The following BOLA3 variants were observed in gnomAD, a reference collection of about 807,000 sequenced individuals.
BOLA3 encodes bolA family member 3.
A neutral mutation model predicts 14.5 loss-of-function variants in BOLA3; 8 were observed. The observed-to-expected ratio is 0.55, with a 90% CI of 0.32 to 0.99. BOLA3 has a LOEUF of 0.99. Ranked by LOEUF, BOLA3 falls within the 50% of genes least tolerant of loss-of-function variation. The probability of loss-of-function intolerance (pLI) is 0.04; values close to 1 mark genes in which losing one functional copy is unlikely to be tolerated. For missense variants in BOLA3, 115 were observed against 138.2 expected (o/e 0.83, Z 0.84); for synonymous variants, 42 against 45.7 (o/e 0.92, Z 0.33).
At chr2:74,141,581 G>A (rs1455001084) in intron 3 of BOLA3, among the ~76,000 whole-genome samples, 7 of 152,106 alleles carry the variant, frequency 4.6e-5, no homozygotes, top group Non-Finnish European at 1.0e-4. Context: ...TGCGTGAACA[G>A]CAGTCTAGGA....
intron 1 of BOLA3, chr2:74,145,671 C>T: frequency 3.1e-6 from 1 of 319,718 alleles, no homozygotes; most frequent in Non-Finnish European, 6.1e-6. Context: ...AGGTTGAATT[C>T]GGTAAGATAC....
intron 3 of BOLA3, among the ~76,000 whole-genome samples, chr2:74,140,727 C>T (rs550937817): frequency 2.6e-5 from 4 of 152,288 alleles, no homozygotes; most frequent in Admixed American, 6.5e-5. Flanking sequence ...ATGGTGATGG[C>T]GGTCACATTT....
chr2:74,141,807 G>C (rs1438996059), intron 3 of BOLA3, among the ~76,000 whole-genome samples: 2 of 152,170 alleles, frequency 1.3e-5, no homozygotes, highest in African/African-American at 2.4e-5. Flanking sequence ...TGAGCCTTAG[G>C]CTGGTTGAAC....
Position 74,135,674 on chromosome 2 carries a change from G to A in BOLA3, c.259-16C>T, listed in dbSNP as rs776860491. On this transcript the variant is annotated splice_polypyrimidine_tract_variant and intron_variant, in intron 3 of 3. Transcript: ENST00000327428. ...CTTTTAGTGCCTAAGTAAGAAAACA[G>A]CATCATCAGTTTTTGTGTATTTGAC... 3.2e-6 allele frequency: 5 copies of A among 1,561,282 alleles called. No individual in the cohort carries two copies. In the African/African-American group the frequency reaches 6.8e-5, roughly 21 times the overall value.
intron 3 of BOLA3, among the ~76,000 whole-genome samples, chr2:74,138,290 T>C (rs1166502154): frequency 3.9e-5 from 6 of 152,232 alleles, no homozygotes. Context: ...TAGTAGGTGC[T>C]GGGGACACAG....
chr2:74,140,228 G>C (rs966446873), intron 3 of BOLA3, among the ~76,000 whole-genome samples: 4 of 152,180 alleles, frequency 2.6e-5, no homozygotes, highest in African/African-American at 9.7e-5. Flanking sequence ...AGGTTGCAGT[G>C]AGCCGAGATA....
At chr2:74,147,716 C>T in intron 1 of BOLA3, 105 bp downstream of exon 1, 3 of 1,101,964 alleles carry the variant, frequency 2.7e-6, no homozygotes, top group South Asian at 2.7e-5. Flanking sequence ...CAGTGCCGCG[C>T]GCGCCCTCCG....
intron 1 of BOLA3, 92 bp from the exon 2 acceptor site, chr2:74,145,395 G>C: frequency 1.2e-6 from 1 of 820,112 alleles, no homozygotes; most frequent in South Asian, 1.3e-5. Context: ...CATTCCCCCT[G>C]CAAGGCAGGC....
At chr2:74,145,335 G>T (rs989781157) in intron 1 of BOLA3, 32 bp from the exon 2 acceptor site, 5 of 1,290,286 alleles carry the variant, frequency 3.9e-6, no homozygotes, top group Non-Finnish European at 5.7e-6. Context: ...GGTCAGGGCA[G>T]AGGAAGATGC....
chr2:74,136,224 A>G (rs140606089), intron 3 of BOLA3, among the ~76,000 whole-genome samples: 1 of 152,280 alleles, frequency 6.6e-6, no homozygotes, highest in African/African-American at 2.4e-5. Flanking sequence ...TGCCGGAATT[A>G]CAAGCGTGAG....
chr2:74,144,151 G>A (rs1186712030), intron 2 of BOLA3, among the ~76,000 whole-genome samples: 8 of 150,292 alleles, frequency 5.3e-5, no homozygotes, highest in African/African-American at 9.9e-5. Flanking sequence ...GACTACAGGC[G>A]TGTGCCACCA....
rs561184018 is a variant in BOLA3, at chr2:74,135,504, A to G, written c.*89T>C. On this transcript the variant is annotated 3_prime_UTR_variant, in exon 4 of 4. Coordinates refer to ENST00000327428, the MANE Select transcript of BOLA3 (RefSeq NM_212552.3). Reference sequence around the variant, plus strand: ...GGAAATGTATATGAGCAAAATATATAAATTTTTTGGTGACTGCTTAGGGAA... The same window carrying G: ...GGAAATGTATATGAGCAAAATATATGAATTTTTTGGTGACTGCTTAGGGAA... 2 of 1,566,316 alleles carry G rather than the reference A, an allele frequency of 1.3e-6. No individual in the cohort carries two copies. The highest frequency in any genetic ancestry group is 1.1e-5 in the South Asian group (1 of 89,954).
At chr2:74,140,526 G>A (rs1027277715) in intron 3 of BOLA3, among the ~76,000 whole-genome samples, 25 of 152,246 alleles carry the variant, frequency 1.6e-4, no homozygotes, top group African/African-American at 5.5e-4. Flanking sequence ...GCCTGCTTTC[G>A]AGGGGGAATG....
intron 3 of BOLA3, among the ~76,000 whole-genome samples, chr2:74,136,945 G>T (rs1692342732): frequency 6.6e-6 from 1 of 152,240 alleles, no homozygotes; most frequent in African/African-American, 2.4e-5. Flanking sequence ...AGTGCTGGGA[G>T]AAAGTGAGGT....
At chr2:74,142,404 G>A (rs1157205707) in intron 2 of BOLA3, 44 bp from the exon 3 acceptor site, 7 of 1,425,100 alleles carry the variant, frequency 4.9e-6, no homozygotes, top group Non-Finnish European at 5.9e-6. Context: ...ATTAAGTCAT[G>A]GCAGCCATGG....
intron 3 of BOLA3, among the ~76,000 whole-genome samples, chr2:74,140,283 GA>G (rs371837306): frequency 2.0e-5 from 3 of 151,978 alleles, no homozygotes; most frequent in African/African-American, 4.8e-5. Context: ...TACTCTGTGG[GA>G]GGGAAAAAAA....
intron 1 of BOLA3, chr2:74,145,507 C>T (rs1419803788): frequency 2.7e-5 from 16 of 595,136 alleles, no homozygotes; most frequent in African/African-American, 5.6e-5. Context: ...CTTTTATTGG[C>T]GGGGACAGGA....
In BOLA3 at chr2:74,135,491, G is replaced by A. The variant is rs763511539; in HGVS notation, c.*102C>T. 7.9e-6 allele frequency: 12 copies of A among 1,526,852 alleles called. No individual in the cohort carries two copies. Among genetic ancestry groups the A allele is most frequent in the Admixed American group, 5.0e-5 (3 of 59,868 alleles). 94.6% of individuals were successfully genotyped at this position (1,526,852 alleles called of 1,614,324 possible). ...ATAATTATAATATGGAAATGTATAT[G>A]AGCAAAATATATAAATTTTTTGGTG... On this transcript the variant is annotated 3_prime_UTR_variant, in exon 4 of 4. Coordinates refer to ENST00000327428, the MANE Select transcript of BOLA3 (RefSeq NM_212552.3).
chr2:74,143,104 TAC>T (rs1440473607), intron 2 of BOLA3, among the ~76,000 whole-genome samples: 1 of 151,978 alleles, frequency 6.6e-6, no homozygotes, highest in Non-Finnish European at 1.5e-5. Context: ...CTGCATGATT[TAC>T]AGAGCCAGGC....
Sources: allele counts gnomAD v4.1 joint callset (sites outside exome capture counted in the v4.1 genomes callset), GRCh38; gene constraint gnomAD v4.1.1; transcripts MANE v1.5; gene names NCBI Gene and HGNC (gene_info 2026-07-23, HGNC 2026-07-21).